The following EDRF1 variants were observed in gnomAD, a reference collection of about 807,000 sequenced individuals.
The protein encoded by EDRF1 is erythroid differentiation-related factor 1.
A neutral mutation model predicts 148.7 loss-of-function variants in EDRF1; 69 were observed. The ratio of observed to expected loss-of-function variants is 0.46; its 90% CI spans 0.38 to 0.57. The LOEUF (loss-of-function observed/expected upper bound fraction) is 0.57. EDRF1 is among the 20% of genes least tolerant of loss of function. The probability of loss-of-function intolerance (pLI) is 0.00; values close to 1 mark genes in which losing one functional copy is unlikely to be tolerated. For synonymous variants in EDRF1, 515 were observed against 532.8 expected, an observed-to-expected ratio of 0.97 and a Z score of 0.46; for missense variants, 1,118 against 1,478.7, an observed-to-expected ratio of 0.76 and a Z score of 4.00.
In EDRF1 at chr10:125,735,783, A is replaced by G; in HGVS notation, c.1637A>G (p.Asp546Gly). 1.2e-6 allele frequency: 2 copies of G among 1,613,926 alleles called. No homozygotes were observed. Among genetic ancestry groups the G allele is most frequent in the Non-Finnish European group, 1.7e-6 (2 of 1,179,830 alleles). ...SEEEEEMPDS[D>G]ENGSYSTSSD... ...GAGGAGGAAGAGATGCCCGACAGTG[A>G]TGAAAATGGATCCTATAGCACCAGC... The change falls in exon 13 of 25, where the codon GAT (aspartate) becomes GGT (glycine). Residue 546 changes from aspartate (D) to glycine (G), a missense_variant. By Grantham distance (94) the Asp-to-Gly change is moderately conservative. Transcript: ENST00000356792.
chr10:125,740,476 G>A lies in EDRF1; in HGVS notation c.1995G>A (p.Gln665=), dbSNP rs748856477. ...ALFLDKMGSL[Q]KGNYSSQSGM... ...TCCATGTCACAGTGGGCTCCCTTCA[G>A]AAGGGCAATTATTCCAGTCAATCTG... The change falls in exon 16 of 25, where the codon CAG becomes CAA. Residue 665 remains glutamine (Q), a synonymous_variant. Coordinates refer to ENST00000356792, the MANE Select transcript of EDRF1 (RefSeq NM_001202438.2). 1.2e-6 allele frequency: 2 copies of A among 1,614,020 alleles called. No individual in the cohort carries two copies.
intron 21 of EDRF1, chr10:125,748,798 G>A (rs1040956041): frequency 1.3e-5 from 2 of 159,646 alleles, no homozygotes; most frequent in East Asian, 1.8e-4. Flanking sequence ...CGCCTCCCAG[G>A]CCTCCCCACT....
rs1446175375 is a variant in EDRF1 at position 125,753,763 on chromosome 10, C to T, written c.3463C>T (p.Leu1155Phe). 15 of 1,614,032 alleles carry T rather than the reference C, an allele frequency of 9.3e-6. No individual in the cohort carries two copies. Among genetic ancestry groups the T allele is most frequent in the Middle Eastern group, 1.7e-4 (1 of 6,030 alleles). The part of the protein sequence containing the change: ...PSLNREEVMK[L>F]LSIFESRLSF... ...TCTCAATCGAGAAGAAGTGATGAAA[C>T]TCCTCAGTATATTTGAGTCTCGGTT... The change falls in exon 24 of 25, where the codon CTC becomes TTC. Residue 1155 changes from leucine to phenylalanine, a missense_variant. Around this residue, in one of 3 missense-constraint regions of EDRF1, gnomAD observed 954 missense variants for 1,241.4 expected, o/e 0.77. Coordinates refer to ENST00000356792, the MANE Select transcript of EDRF1 (RefSeq NM_001202438.2).
chr10:125,725,928 A>T, intron 6 of EDRF1, 90 bp downstream of exon 6: 1 of 1,360,162 alleles, frequency 7.4e-7, no homozygotes, highest in East Asian at 2.3e-5. Context: ...GATGAACAGG[A>T]CTAAGAAATA....
intron 19 of EDRF1, chr10:125,747,208 C>T: frequency 3.8e-6 from 1 of 265,696 alleles, no homozygotes; most frequent in Non-Finnish European, 7.2e-6. Context: ...GTTATATAAA[C>T]TGTAATTTTC....
chr10:125,736,001 C>A, intron 13 of EDRF1, 97 bp downstream of exon 13: 3 of 1,157,150 alleles, frequency 2.6e-6, no homozygotes, highest in Non-Finnish European at 2.5e-6. Flanking sequence ...CTTCAATAAA[C>A]CTTTCATGGT....
At chr10:125,741,291 AT>A in intron 17 of EDRF1, 90 bp downstream of exon 17, 1 of 1,169,762 alleles carries the variant, frequency 8.5e-7, no homozygotes, top group Non-Finnish European at 1.3e-6. Context: ...GGGTAGAAAT[AT>A]TAGAGTTTTG....
At position 125,735,769 on chromosome 10, in the gene EDRF1, G is replaced by A. The variant is rs369013505; in HGVS notation, c.1623G>A (p.Glu541=). Residue 541 remains glutamate, a synonymous_variant, in exon 13 of 25, where the codon GAG becomes GAA. Coordinates refer to ENST00000356792, the MANE Select transcript of EDRF1 (RefSeq NM_001202438.2). ...AAAGTTATAGTGAAGAGGAGGAAGA[G>A]ATGCCCGACAGTGATGAAAATGGAT... ...SDESYSEEEE[E]MPDSDENGSY... 1.2e-6 allele frequency: 2 copies of A among 1,613,728 alleles called. No homozygotes were observed. The highest frequency in any genetic ancestry group is 3.3e-5 in the Admixed American group (2 of 59,980).
intron 4 of EDRF1, among the ~76,000 whole-genome samples, chr10:125,724,950 C>T (rs999765083): frequency 3.3e-5 from 5 of 152,120 alleles, no homozygotes; most frequent in East Asian, 1.9e-4. Flanking sequence ...AGCCTAGGCA[C>T]GGGGATGTGA....
intron 22 of EDRF1, among the ~76,000 whole-genome samples, chr10:125,751,667 T>TGTCACTTCTCACACCAC (rs1849648430): frequency 6.6e-6 from 1 of 152,112 alleles, no homozygotes; most frequent in African/African-American, 2.4e-5. Flanking sequence ...CCCAAGACCA[T>TGTCACTTCTCACACCAC]TGTCACTTCT....
At chr10:125,742,442 C>G in intron 17 of EDRF1, 5 of 1,098,062 alleles carry the variant, frequency 4.6e-6, no homozygotes, top group Non-Finnish European at 5.6e-6. Context: ...TTAGACAATT[C>G]ATAGCTAGAG....
Position 125,740,993 on chromosome 10 carries a change from C to T in EDRF1, c.2171-8C>T, listed in dbSNP as rs759286995. The T allele has an allele frequency of 1.2e-6, 2 of 1,613,544 alleles. No homozygotes were observed. Among genetic ancestry groups the T allele is most frequent in the Non-Finnish European group, 8.5e-7 (1 of 1,179,880 alleles). ...GTGTTTTTTCTTCTTCCCTCCCTTTCTAAACAGATACTTATTGCTGCCTCT... is the reference window on the plus strand; with the variant it reads ...GTGTTTTTTCTTCTTCCCTCCCTTTTTAAACAGATACTTATTGCTGCCTCT... On this transcript the variant is annotated splice_region_variant and splice_polypyrimidine_tract_variant and intron_variant, in intron 16 of 24. Coordinates refer to ENST00000356792, the MANE Select transcript of EDRF1 (RefSeq NM_001202438.2).
chr10:125,735,342 T>C (rs573541795), intron 12 of EDRF1, among the ~76,000 whole-genome samples: 2 of 152,316 alleles, frequency 1.3e-5, no homozygotes, highest in South Asian at 2.1e-4. Context: ...ATTTTAGTTA[T>C]GACACTCTGT....
intron 15 of EDRF1, 88 bp downstream of exon 15, chr10:125,738,533 T>A: frequency 6.7e-7 from 1 of 1,482,178 alleles, no homozygotes; most frequent in Non-Finnish European, 9.4e-7. Context: ...ATTAAGGCAT[T>A]AATTGAAAGG....
In EDRF1 at chr10:125,729,113, T is replaced by G; in HGVS notation, c.894+9T>G. 1 of 1,553,510 alleles carries G rather than the reference T, an allele frequency of 6.4e-7. No individual in the cohort carries two copies. Among genetic ancestry groups the G allele is most frequent in the Non-Finnish European group, 8.7e-7 (1 of 1,155,504 alleles). ...ACGGGGAGCACAGTCAGGTATGCTT[T>G]CCATGGTGTCCAAGGTGACAGCAAA... On this transcript the variant is annotated intron_variant, in intron 7 of 24. Transcript: ENST00000356792.
rs188714268 is a variant in EDRF1, at chr10:125,733,617, C to T, written c.1277-18C>T. 9 of 1,612,456 alleles carry T rather than the reference C, an allele frequency of 5.6e-6. No homozygotes were observed. The highest frequency in any genetic ancestry group is 2.7e-5 in the African/African-American group (2 of 74,952). On this transcript the variant is annotated intron_variant, in intron 10 of 24. Transcript: ENST00000356792. ...GGGTAACTGCTGTGAAATGAGTCTTCTTTGTTTTTCTTTTCAGCAAGTGGC... is the reference window on the plus strand; with the variant it reads ...GGGTAACTGCTGTGAAATGAGTCTTTTTTGTTTTTCTTTTCAGCAAGTGGC...
In EDRF1 at chr10:125,740,783, G is replaced by A; in HGVS notation, c.2170+132G>A. On this transcript the variant is annotated intron_variant, in intron 16 of 24. Transcript: ENST00000356792. ...TTTTAAAATGACTGTTTCCAATCCT[G>A]TGTGTGTTACCTTCTATTTTAGTTT... The A allele has an allele frequency of 5.2e-6, 6 of 1,159,860 alleles. No individual in the cohort carries two copies. The South Asian group carries it at 7.7e-5, about 15-fold the overall frequency. 71.8% of individuals were successfully genotyped at this position (1,159,860 alleles called of 1,614,324 possible). A position where few individuals can be genotyped will look rare whatever the true frequency, so the allele number is the denominator to read the frequency against.
chr10:125,742,520 CGTCTTTCT>C (rs1849082580), intron 17 of EDRF1: 3 of 985,354 alleles, frequency 3.0e-6, no homozygotes. Flanking sequence ...CCCCTCTCTC[CGTCTTTCT>C]CAAATAATCA....
intron 23 of EDRF1, 117 bp from the exon 24 acceptor site, chr10:125,753,577 G>T: frequency 3.5e-6 from 4 of 1,149,746 alleles, no homozygotes; most frequent in Admixed American, 1.8e-5. Flanking sequence ...TTGTTTGTTT[G>T]TCTTGTTTAG....
Sources: allele counts gnomAD v4.1 joint callset (sites outside exome capture counted in the v4.1 genomes callset), GRCh38; gene constraint gnomAD v4.1.1; regional missense constraint gnomAD v4.1.1; transcripts MANE v1.5; gene names NCBI Gene and HGNC (gene_info 2026-07-23, HGNC 2026-07-21).